CUL4A: variants seen among roughly 807,000 people sequenced by gnomAD.
CUL4A encodes the protein cullin-4A.
CUL4A carries 16 observed loss-of-function variants against 95.5 expected under a neutral mutation model. The ratio of observed to expected loss-of-function variants is 0.17; its 90% confidence interval spans 0.11 to 0.25. The LOEUF (loss-of-function observed/expected upper bound fraction) is 0.25, where lower values mean the gene tolerates loss of function less well. CUL4A is among the 10% of genes least tolerant of loss of function. CUL4A has a pLI of 1.00. For missense variants in CUL4A, 610 were observed against 937.0 expected, an observed-to-expected ratio of 0.65 and a Z score of 4.56; for synonymous variants, 380 against 353.1, an observed-to-expected ratio of 1.08 and a Z score of -0.85.
chr13:113,214,983 G>C (rs2040592852), intron 2 of CUL4A, among the ~76,000 whole-genome samples: 1 of 147,212 alleles, frequency 6.8e-6, no homozygotes, highest in Non-Finnish European at 1.5e-5. Flanking sequence ...CATCTTGTCT[G>C]TGTGGCTGTG....
chr13:113,236,247 C>T (rs1273801467), intron 8 of CUL4A, among the ~76,000 whole-genome samples: 1 of 152,070 alleles, frequency 6.6e-6, no homozygotes, highest in African/African-American at 2.4e-5. Flanking sequence ...TCCAGGATCT[C>T]GAGGCAGGCC....
chr13:113,257,445 C>T (rs1211767361), intron 18 of CUL4A, among the ~76,000 whole-genome samples: 1 of 152,156 alleles, frequency 6.6e-6, no homozygotes, highest in Non-Finnish European at 1.5e-5. Flanking sequence ...GCAGGCTGTA[C>T]AGGAAGCATG....
upstream of CUL4A, chr13:113,208,634 T>G (rs138409614): frequency 1.3e-5 from 21 of 1,606,924 alleles, no homozygotes; most frequent in Non-Finnish European, 1.7e-5. Context: ...ATGTGCGCCA[T>G]GGGAGCGCCG....
upstream of CUL4A, among the ~76,000 whole-genome samples, chr13:113,209,286 G>C (rs1251064670): frequency 3.4e-5 from 5 of 148,274 alleles, no homozygotes; most frequent in Non-Finnish European, 6.0e-5. Flanking sequence ...CGAGCCAGGA[G>C]GGGGTGCCCG....
intron 19 of CUL4A, among the ~76,000 whole-genome samples, chr13:113,262,103 G>A (rs1264863256): frequency 6.6e-6 from 1 of 152,148 alleles, no homozygotes; most frequent in African/African-American, 2.4e-5. Context: ...AAAATGTGTG[G>A]CTTATCACTG....
chr13:113,255,218 C>T (rs1431718520), intron 18 of CUL4A, 93 bp downstream of exon 18: 2 of 835,198 alleles, frequency 2.4e-6, no homozygotes, highest in Non-Finnish European at 3.8e-6. Flanking sequence ...AGGCCTGAAG[C>T]ACATTTCTAC....
At position 113,244,983 on chromosome 13, in the gene CUL4A, T is replaced by C. The variant is rs773387995; in HGVS notation, c.1368T>C (p.Asp456=). Residue 456 remains aspartate (D), a synonymous_variant, in exon 13 of 20, where the codon GAT becomes GAC. Coordinates refer to ENST00000375440, the MANE Select transcript of CUL4A (RefSeq NM_001008895.4). ...TCTTTGAAGCATTTTATAAAAAAGA[T>C]TTGGCAAAAAGACTCCTTGTTGGGA... ...KDVFEAFYKK[D]LAKRLLVGKS... 1 of 1,613,882 alleles carries C rather than the reference T, an allele frequency of 6.2e-7. No individual in the cohort carries two copies. The highest frequency in any genetic ancestry group is 8.5e-7 in the Non-Finnish European group (1 of 1,179,728).
At chr13:113,210,610 G>A (rs1177163748) in intron 2 of CUL4A, among the ~76,000 whole-genome samples, 2 of 152,212 alleles carry the variant, frequency 1.3e-5, no homozygotes, top group African/African-American at 4.8e-5. Flanking sequence ...TTAATTCAAA[G>A]TGATGGTGTT....
chr13:113,260,540 A>T, intron 18 of CUL4A, 67 bp from the exon 19 acceptor site: 1 of 1,428,358 alleles, frequency 7.0e-7, no homozygotes, highest in Non-Finnish European at 9.5e-7. Flanking sequence ...ACTGAGTGAG[A>T]CTCCATCGCA....
intron 5 of CUL4A, 59 bp from the exon 6 acceptor site, chr13:113,233,118 A>C: frequency 6.5e-7 from 1 of 1,542,402 alleles, no homozygotes; most frequent in Non-Finnish European, 8.9e-7. Context: ...CTGGAGATTC[A>C]CCCATAACTT....
At chr13:113,227,800 G>C (rs940713623) in intron 3 of CUL4A, among the ~76,000 whole-genome samples, 176 bp from the exon 4 acceptor site, 1 of 151,910 alleles carries the variant, frequency 6.6e-6, no homozygotes, top group African/African-American at 2.4e-5. Context: ...AGCTACTCAA[G>C]AGGCTGAGGC....
chr13:113,220,790 G>A (rs2040868150), intron 3 of CUL4A, among the ~76,000 whole-genome samples: 2 of 152,138 alleles, frequency 1.3e-5, no homozygotes, highest in African/African-American at 4.8e-5. Context: ...CTACTGCACT[G>A]GCACCGCAAA....
chr13:113,249,242 A>G (rs7327045), intron 15 of CUL4A, among the ~76,000 whole-genome samples: 3 of 150,350 alleles, frequency 2.0e-5, no homozygotes, highest in African/African-American at 4.9e-5. Flanking sequence ...TATTCCATCC[A>G]TGCTGTACCA....
intron 10 of CUL4A, among the ~76,000 whole-genome samples, chr13:113,241,358 G>A (rs770248152): frequency 6.6e-5 from 10 of 152,076 alleles, no homozygotes; most frequent in African/African-American, 2.2e-4. Context: ...TCCACATGCC[G>A]TTATCAAAAT....
intron 10 of CUL4A, among the ~76,000 whole-genome samples, chr13:113,242,155 G>T (rs2041732256): frequency 6.6e-6 from 1 of 152,122 alleles, no homozygotes; most frequent in East Asian, 2.0e-4. Flanking sequence ...TCTCTAGCTG[G>T]GCGTGGTGGT....
chr13:113,256,725 C>T (rs1430565033), intron 18 of CUL4A, among the ~76,000 whole-genome samples: 2 of 152,076 alleles, frequency 1.3e-5, no homozygotes, highest in East Asian at 1.9e-4. Flanking sequence ...TTAAATGAAT[C>T]GTTTAGAAAG....
chr13:113,237,564 C>T (rs2041587043), intron 9 of CUL4A, among the ~76,000 whole-genome samples: 1 of 152,150 alleles, frequency 6.6e-6, no homozygotes, highest in South Asian at 2.1e-4. Context: ...TCAAAGTGTG[C>T]TGAATTCTAT....
intron 8 of CUL4A, among the ~76,000 whole-genome samples, chr13:113,236,452 G>T (rs1377850060): frequency 6.6e-6 from 1 of 152,210 alleles, no homozygotes; most frequent in Non-Finnish European, 1.5e-5. Context: ...GTAGGAAGCA[G>T]AAGGCGGAAT....
chr13:113,244,583 A>G, intron 12 of CUL4A, 69 bp downstream of exon 12: 3 of 1,120,782 alleles, frequency 2.7e-6, no homozygotes, highest in South Asian at 2.7e-5. Context: ...TTCCCAGAGG[A>G]GGTTTAGCAT....
Sources: gnomAD v4.1 joint callset for allele counts (sites outside exome capture counted in the v4.1 genomes callset) on GRCh38, gnomAD v4.1.1 for gene constraint, MANE v1.5 for transcripts, NCBI Gene and HGNC (gene_info 2026-07-23, HGNC 2026-07-21) for gene names.